TRIM24: variants seen among roughly 807,000 people sequenced by gnomAD.
The protein encoded by TRIM24 is tripartite motif containing 24.
TRIM24 carries 29 observed loss-of-function variants against 123.9 expected under a neutral mutation model. That is an observed-to-expected ratio of 0.23 (90% CI 0.17 to 0.32). The LOEUF is 0.32. TRIM24 is among the 10% of genes least tolerant of loss of function. TRIM24 has a pLI of 1.00. For synonymous variants in TRIM24, 456 were observed against 461.1 expected, an observed-to-expected ratio of 0.99 and a Z score of 0.14; for missense variants, 932 against 1,295.3, an observed-to-expected ratio of 0.72 and a Z score of 4.31.
chr7:138,464,037 C>A (rs1224834786), intron 1 of TRIM24, among the ~76,000 whole-genome samples: 1 of 106,906 alleles, frequency 9.4e-6, no homozygotes, highest in Non-Finnish European at 1.8e-5. Flanking sequence ...CTCTGTCGCC[C>A]GGGCTGGAGT....
intron 4 of TRIM24, among the ~76,000 whole-genome samples, chr7:138,523,161 A>G (rs1309565170): frequency 3.3e-5 from 5 of 152,206 alleles, no homozygotes; most frequent in Non-Finnish European, 5.9e-5. Flanking sequence ...ATAATCAACA[A>G]TTCTCTGTAT....
intron 7 of TRIM24, among the ~76,000 whole-genome samples, chr7:138,542,899 A>T (rs1797031727): frequency 6.6e-6 from 1 of 152,174 alleles, no homozygotes; most frequent in African/African-American, 2.4e-5. Context: ...TATAGTCTCC[A>T]TCCTGAGTCT....
At chr7:138,497,165 G>A (rs970981109) in intron 1 of TRIM24, among the ~76,000 whole-genome samples, 2 of 152,026 alleles carry the variant, frequency 1.3e-5, no homozygotes, top group Non-Finnish European at 2.9e-5. Flanking sequence ...ATATTGAATA[G>A]AATTCACCAG....
In TRIM24 at chr7:138,582,081, G is replaced by GA. The variant is rs202239935; in HGVS notation, c.2793+318dup. 4.7e-4 allele frequency among the ~76,000 whole-genome samples: 71 copies of GA among 151,780 alleles called. No homozygotes were observed. In the East Asian group the frequency reaches 0.012, roughly 25 times the overall value. ...TTTAGGCATGTTTCCGAAGCTGTTG[G>GA]AAAAAAAACTTTGAAATAAAGACAT... On this transcript the variant is annotated intron_variant, in intron 17 of 18. Transcript: ENST00000343526.
intron 17 of TRIM24, 43 bp from the exon 18 acceptor site, chr7:138,583,807 G>C (rs765749426): frequency 7.5e-7 from 1 of 1,334,580 alleles, no homozygotes; most frequent in East Asian, 2.4e-5. Flanking sequence ...AGGACAAGGT[G>C]GAATTTAGCT....
Position 138,529,183 on chromosome 7 carries a change from A to T in TRIM24, c.949A>T (p.Met317Leu). 6.3e-7 allele frequency: 1 copy of T among 1,578,568 alleles called. No homozygotes were observed. Among genetic ancestry groups the T allele is most frequent in the Non-Finnish European group, 8.6e-7 (1 of 1,165,770 alleles). ...QDIKVAIFTLMVEINKKGKAL... is the reference protein window; with the variant it reads ...QDIKVAIFTLLVEINKKGKAL... ...TATTAAAGTTGCTATATTTACACTG[A>T]TGGTAGAAATAAATAAAAAAGGAAA... The change falls in exon 6 of 19, where the codon ATG (methionine) becomes TTG (leucine). Residue 317 changes from methionine to leucine, a missense_variant. Around this residue, in one of 7 missense-constraint regions of TRIM24, gnomAD observed 527 missense variants for 691.3 expected, o/e 0.76. Coordinates refer to ENST00000343526, the MANE Select transcript of TRIM24 (RefSeq NM_015905.3).
At chr7:138,484,388 C>CA (rs1341085918) in intron 1 of TRIM24, among the ~76,000 whole-genome samples, 1 of 150,878 alleles carries the variant, frequency 6.6e-6, no homozygotes, top group Non-Finnish European at 1.5e-5. Context: ...GGATTATAGG[C>CA]ATGAGCCACC....
At chr7:138,545,790 A>T (rs1797090265) in intron 7 of TRIM24, among the ~76,000 whole-genome samples, 1 of 152,226 alleles carries the variant, frequency 6.6e-6, no homozygotes, top group Admixed American at 6.5e-5. Context: ...GGGACATGTC[A>T]AAGGGAACAG....
intron 1 of TRIM24, among the ~76,000 whole-genome samples, chr7:138,492,353 G>T (rs1276056399): frequency 7.0e-6 from 1 of 143,764 alleles, no homozygotes; most frequent in East Asian, 2.0e-4. Context: ...AATTTTTGTT[G>T]TAAAAGTTTA....
At chr7:138,507,890 T>C (rs1770686154) in intron 2 of TRIM24, among the ~76,000 whole-genome samples, 1 of 151,382 alleles carries the variant, frequency 6.6e-6, no homozygotes, top group South Asian at 2.1e-4. Flanking sequence ...GCCATAATCA[T>C]GCCACTGCAC....
rs2116633083 is a variant in TRIM24 at position 138,552,829 on chromosome 7, C to G, written c.1261+1649C>G. ...CTGGAATTATTACACACTCATTTTA[C>G]CAAAAAGCATCTTTAGAATACAGAA... On this transcript the variant is annotated intron_variant, in intron 8 of 18. Coordinates refer to ENST00000343526, the MANE Select transcript of TRIM24 (RefSeq NM_015905.3). 1.3e-5 allele frequency among the ~76,000 whole-genome samples: 2 copies of G among 152,252 alleles called. 1 individual carries two copies. The highest frequency in any genetic ancestry group is 4.1e-4 in the South Asian group (2 of 4,820).
intron 1 of TRIM24, among the ~76,000 whole-genome samples, chr7:138,465,218 G>C (rs954839119): frequency 6.6e-6 from 1 of 152,196 alleles, no homozygotes; most frequent in African/African-American, 2.4e-5. Flanking sequence ...CAGGCTACAT[G>C]TTGGAAGGAA....
intron 7 of TRIM24, among the ~76,000 whole-genome samples, chr7:138,539,158 A>C (rs1796951143): frequency 6.6e-6 from 1 of 152,058 alleles, no homozygotes; most frequent in South Asian, 2.1e-4. Flanking sequence ...CATTCTTATG[A>C]GATATACCTA....
chr7:138,558,596 A>G (rs1797363490), intron 9 of TRIM24, among the ~76,000 whole-genome samples: 1 of 152,208 alleles, frequency 6.6e-6, no homozygotes, highest in African/African-American at 2.4e-5. Context: ...GAGAGGATTC[A>G]GGCAACTCCT....
chr7:138,480,327 G>C (rs1795500446), intron 1 of TRIM24, among the ~76,000 whole-genome samples: 1 of 152,024 alleles, frequency 6.6e-6, no homozygotes, highest in South Asian at 2.1e-4. Context: ...ACCTAGCTTT[G>C]TCTGTTTTGG....
chr7:138,544,710 A>ATAT (rs1214804794), intron 7 of TRIM24, among the ~76,000 whole-genome samples: 1 of 152,230 alleles, frequency 6.6e-6, no homozygotes, highest in African/African-American at 2.4e-5. Flanking sequence ...CTGGATCCTA[A>ATAT]CAGGTATGAG....
At chr7:138,476,648 A>G (rs1795408508) in intron 1 of TRIM24, among the ~76,000 whole-genome samples, 1 of 152,034 alleles carries the variant, frequency 6.6e-6, no homozygotes, top group Non-Finnish European at 1.5e-5. Context: ...ATACTTTGAC[A>G]TTATACTTTT....
chr7:138,515,374 CT>C lies in TRIM24; in HGVS notation c.631+18del. On this transcript the variant is annotated intron_variant, in intron 3 of 18. Coordinates refer to ENST00000343526, the MANE Select transcript of TRIM24 (RefSeq NM_015905.3). ...AGTATCTCCAGGTAATAAATGAGATCTTTGCATTTTTTTCCTTCTATCTTTC... is the reference window on the plus strand; with the variant it reads ...AGTATCTCCAGGTAATAAATGAGATCTTGCATTTTTTTCCTTCTATCTTTC... 6.2e-7 allele frequency: 1 copy of C among 1,608,298 alleles called. No individual in the cohort carries two copies. Among genetic ancestry groups the C allele is most frequent in the Non-Finnish European group, 8.5e-7 (1 of 1,176,506 alleles).
chr7:138,547,074 T>C (rs1797116668), intron 7 of TRIM24, among the ~76,000 whole-genome samples: 3 of 152,224 alleles, frequency 2.0e-5, no homozygotes, highest in Middle Eastern at 6.3e-3. Context: ...ATGTGGTACA[T>C]ATACCCAATG....
Sources: gnomAD v4.1 joint callset for allele counts (sites outside exome capture counted in the v4.1 genomes callset) on GRCh38, gnomAD v4.1.1 for gene constraint, gnomAD v4.1.1 regional missense constraint, MANE v1.5 for transcripts, NCBI Gene and HGNC (gene_info 2026-07-23, HGNC 2026-07-21) for gene names.